Variants in PPM1B observed in about 807,000 individuals in gnomAD.
The protein encoded by PPM1B is protein phosphatase 1B.
In PPM1B, 22 loss-of-function variants were observed where a neutral mutation model predicts 43.0. The ratio of observed to expected loss-of-function variants is 0.51; its 90% CI spans 0.37 to 0.73. The LOEUF is 0.73. Among genes scored for constraint, PPM1B ranks in the 30% least tolerant of loss-of-function variants. The probability of loss-of-function intolerance (pLI) is 0.00; values close to 1 mark genes in which losing one functional copy is unlikely to be tolerated. For missense variants in PPM1B, 632 were observed against 584.2 expected (o/e 1.08, Z -0.84); for synonymous variants, 217 against 197.9 (o/e 1.10, Z -0.81).
At chr2:44,235,561 C>G (rs2104287394), downstream of PPM1B, among the ~76,000 whole-genome samples, 1 of 148,174 alleles carries the variant, frequency 6.7e-6, no homozygotes, top group East Asian at 2.0e-4. Context: ...TGAGATCGTG[C>G]CATTGCACTC....
At chr2:44,186,473 A>G (rs1055698207) in intron 1 of PPM1B, among the ~76,000 whole-genome samples, 2 of 152,104 alleles carry the variant, frequency 1.3e-5, no homozygotes, top group Non-Finnish European at 2.9e-5. Context: ...GGCTCAAGCA[A>G]TCCTCCCGCC....
intron 1 of PPM1B, among the ~76,000 whole-genome samples, chr2:44,188,440 G>T (rs1668235138): frequency 1.4e-5 from 2 of 144,886 alleles, no homozygotes; most frequent in African/African-American, 5.3e-5. Flanking sequence ...TTGTTGCTCA[G>T]GCTGGAATAC....
At chr2:44,185,478 A>G (rs1164007439) in intron 1 of PPM1B, among the ~76,000 whole-genome samples, 1 of 152,216 alleles carries the variant, frequency 6.6e-6, no homozygotes, top group Non-Finnish European at 1.5e-5. Context: ...ACCACTGTCA[A>G]CAAAGCTATT....
At chr2:44,239,035 C>G (rs957425194), downstream of PPM1B, among the ~76,000 whole-genome samples, 1 of 151,628 alleles carries the variant, frequency 6.6e-6, no homozygotes, top group African/African-American at 2.4e-5. Flanking sequence ...ATTGGCTGGA[C>G]GTGGTGGCGT....
At chr2:44,226,495 A>G (rs1177961855) in intron 5 of PPM1B, among the ~76,000 whole-genome samples, 1 of 152,194 alleles carries the variant, frequency 6.6e-6, no homozygotes, top group East Asian at 1.9e-4. Flanking sequence ...TTTAGTCTAT[A>G]TCAGTGATTC....
intron 1 of PPM1B, among the ~76,000 whole-genome samples, chr2:44,192,077 C>A (rs535133355): frequency 6.9e-6 from 1 of 145,576 alleles, no homozygotes; most frequent in Non-Finnish European, 1.5e-5. Context: ...GGGGAGGGGT[C>A]TGGGGGATTT....
Position 44,230,613 on chromosome 2 carries a change from C to T in PPM1B, c.1335C>T (p.Asn445=). The T allele has an allele frequency of 6.2e-7, 1 of 1,614,140 alleles. No individual in the cohort carries two copies. Among genetic ancestry groups the T allele is most frequent in the Non-Finnish European group, 8.5e-7 (1 of 1,180,004 alleles). Residue 445 remains asparagine, a synonymous_variant, in exon 6 of 6, where the codon AAC becomes AAT. Transcript: ENST00000282412. The part of the protein sequence containing the change: ...TATSSNSDAG[N]PVTMQESHTE... ...CTTCTTCGAACAGTGATGCTGGAAA[C>T]CCAGTGACAATGCAGGAAAGCCATA...
chr2:44,233,801 A>G (rs1400598986), downstream of PPM1B: 4 of 985,456 alleles, frequency 4.1e-6, no homozygotes, highest in African/African-American at 1.7e-5. Context: ...TTGCCACAAT[A>G]TATTTTATTT....
rs946551266 is a variant in PPM1B at position 44,197,629 on chromosome 2, A to G, written c.-14-3557A>G. On this transcript the variant is annotated intron_variant, in intron 1 of 5. Transcript: ENST00000282412. ...TATATAACTATTATTTATTTTTTAA[A>G]AGGAAGAAAAAAGCTTGCGATACAT... Among the ~76,000 whole-genome samples, 7 of 152,276 alleles carry G rather than the reference A, an allele frequency of 4.6e-5. No homozygotes were observed. The South Asian group carries it at 1.0e-3, about 23-fold the overall frequency.
intron 2 of PPM1B, among the ~76,000 whole-genome samples, chr2:44,203,346 G>C (rs891676848): frequency 6.6e-6 from 1 of 152,000 alleles, no homozygotes; most frequent in African/African-American, 2.4e-5. Context: ...AATAGTAAGT[G>C]GGTCTAAAAT....
At chr2:44,184,055 A>G (rs1453555944) in intron 1 of PPM1B, among the ~76,000 whole-genome samples, 1 of 152,140 alleles carries the variant, frequency 6.6e-6, no homozygotes, top group East Asian at 1.9e-4. Flanking sequence ...TAGTTTTACC[A>G]CTTGATAGTT....
chr2:44,195,218 T>C (rs1182312071), intron 1 of PPM1B, among the ~76,000 whole-genome samples: 2 of 150,744 alleles, frequency 1.3e-5, no homozygotes, highest in Non-Finnish European at 3.0e-5. Context: ...TTTTTTTTTT[T>C]CAAGAGACAG....
chr2:44,199,207 G>A (rs1375137675), intron 1 of PPM1B, among the ~76,000 whole-genome samples: 7 of 148,426 alleles, frequency 4.7e-5, no homozygotes, highest in South Asian at 2.1e-4. Flanking sequence ...GCAGTGAGCC[G>A]AGATTGTGCC....
intron 1 of PPM1B, among the ~76,000 whole-genome samples, chr2:44,175,251 C>CA (rs145283242): frequency 2.7e-5 from 4 of 150,364 alleles, no homozygotes; most frequent in Non-Finnish European, 4.4e-5. Flanking sequence ...GACTCCGTCT[C>CA]AAAAAAAACA....
At chr2:44,236,402 C>CAAAAAAAAAAAA (rs61414038), downstream of PPM1B, among the ~76,000 whole-genome samples, 789 of 47,496 alleles carry the variant, frequency 0.017, 153 homozygotes, top group East Asian at 0.068. Flanking sequence ...GACTCCGTCT[C>CAAAAAAAAAAAA]AAAAAAAAAA....
chr2:44,216,668 C>T (rs1432669821), intron 3 of PPM1B, among the ~76,000 whole-genome samples: 2 of 152,152 alleles, frequency 1.3e-5, no homozygotes, highest in African/African-American at 2.4e-5. Flanking sequence ...TGGCTCAGGC[C>T]TCTAATCCCA....
At chr2:44,209,473 T>C in intron 3 of PPM1B, 146 bp downstream of exon 3, 5 of 916,022 alleles carry the variant, frequency 5.5e-6, no homozygotes, top group Non-Finnish European at 7.8e-6. Context: ...TCTTTTTGTT[T>C]ATCAAATGAT....
intron 5 of PPM1B, chr2:44,229,879 T>C: frequency 1.0e-6 from 1 of 966,524 alleles, no homozygotes; most frequent in Non-Finnish European, 1.5e-6. Flanking sequence ...GAGATGTTTT[T>C]ATCAAAATAA....
intron 1 of PPM1B, among the ~76,000 whole-genome samples, chr2:44,178,517 G>T (rs965733311): frequency 2.0e-5 from 3 of 149,144 alleles, no homozygotes; most frequent in Non-Finnish European, 4.4e-5. Flanking sequence ...ACCCAGGCTG[G>T]AGTGCAATGA....
Sources: allele counts gnomAD v4.1 joint callset (sites outside exome capture counted in the v4.1 genomes callset), GRCh38; gene constraint gnomAD v4.1.1; transcripts MANE v1.5; gene names NCBI Gene and HGNC (gene_info 2026-07-23, HGNC 2026-07-21).